CSMD1: variants seen among roughly 807,000 people sequenced by gnomAD.
CSMD1 encodes CUB and Sushi multiple domains 1.
CSMD1 carries 213 observed loss-of-function variants against 417.5 expected under a neutral mutation model. The ratio of observed to expected loss-of-function variants is 0.51; its 90% CI spans 0.46 to 0.57. CSMD1 has a LOEUF of 0.57. Ranked by LOEUF, CSMD1 falls within the 20% of genes least tolerant of loss-of-function variation. The pLI is 0.00. For missense variants in CSMD1, 6,923 were observed against 4,529.7 expected (o/e 1.53, Z -15.17); for synonymous variants, 2,862 against 1,736.8 (o/e 1.65, Z -16.11).
intron 2 of CSMD1, among the ~76,000 whole-genome samples, chr8:4,495,037 C>T (rs542847648): frequency 3.9e-5 from 6 of 152,038 alleles, no homozygotes; most frequent in South Asian, 2.1e-4. Flanking sequence ...TCACTTAGAA[C>T]GTGGCAGAAA....
At chr8:3,478,323 A>C (rs934211081) in intron 11 of CSMD1, among the ~76,000 whole-genome samples, 2 of 152,252 alleles carry the variant, frequency 1.3e-5, no homozygotes, top group African/African-American at 4.8e-5. Context: ...GGAAAATAAA[A>C]GTTGACTAAA....
chr8:3,739,189 G>A (rs2720828), intron 6 of CSMD1, among the ~76,000 whole-genome samples: 141,886 of 152,160 alleles, frequency 0.93, 66,981 homozygotes, highest in Non-Finnish European at 1. Context: ...GCCGGATACT[G>A]TAAGGAATGC....
In CSMD1 at chr8:3,075,263, TTTTCTTTTC is replaced by T. The variant is rs201502200; in HGVS notation, c.7474+11825_7474+11833del. ...ACCCAGCCTCAGGTATTTCTTTTTC[TTTTCTTTTC>T]TTTCTTTCTTTTTTTTTTTTTTTAG... On this transcript the variant is annotated intron_variant, in intron 49 of 69. Transcript: ENST00000635120. Among the ~76,000 whole-genome samples, 21 of 36,056 alleles carry T rather than the reference TTTTCTTTTC, an allele frequency of 5.8e-4. 1 individual carries two copies. The highest frequency in any genetic ancestry group is 1.2e-3 in the South Asian group (2 of 1,638). 23.7% of individuals were successfully genotyped at this position (36,056 alleles called of 152,430 possible).
intron 6 of CSMD1, among the ~76,000 whole-genome samples, chr8:3,716,330 A>T (rs916310500): frequency 2.0e-5 from 3 of 152,232 alleles, no homozygotes; most frequent in Non-Finnish European, 4.4e-5. Context: ...TTGAGAAAAT[A>T]GAGGAATAAA....
intron 1 of CSMD1, among the ~76,000 whole-genome samples, chr8:4,916,798 C>A (rs1806094471): frequency 6.6e-6 from 1 of 152,120 alleles, no homozygotes; most frequent in Non-Finnish European, 1.5e-5. Context: ...GTAGGCTTTA[C>A]TATATTAAAA....
chr8:2,991,659 A>G (rs1431042239), intron 54 of CSMD1, among the ~76,000 whole-genome samples: 2 of 152,254 alleles, frequency 1.3e-5, no homozygotes, highest in Admixed American at 1.3e-4. Flanking sequence ...CCTTTTTAAA[A>G]AAAAGCAAAA....
chr8:3,951,317 G>A (rs759844501), intron 5 of CSMD1, among the ~76,000 whole-genome samples: 5 of 152,242 alleles, frequency 3.3e-5, no homozygotes, highest in African/African-American at 9.6e-5. Context: ...CCTTCTCCTC[G>A]TTTTAAGCAC....
At chr8:4,873,292 CTT>C (rs1302976051) in intron 1 of CSMD1, among the ~76,000 whole-genome samples, 1 of 152,038 alleles carries the variant, frequency 6.6e-6, no homozygotes, top group Admixed American at 6.6e-5. Context: ...TAAAAAATGC[CTT>C]TTAAAATTCA....
At chr8:4,540,250 G>A (rs1331235877) in intron 2 of CSMD1, among the ~76,000 whole-genome samples, 1 of 152,100 alleles carries the variant, frequency 6.6e-6, no homozygotes, top group Non-Finnish European at 1.5e-5. Flanking sequence ...GTAGATTCCA[G>A]CAAGAAGTAA....
intron 1 of CSMD1, among the ~76,000 whole-genome samples, chr8:4,763,762 A>C (rs532803556): frequency 6.6e-6 from 1 of 152,346 alleles, no homozygotes; most frequent in Non-Finnish European, 1.5e-5. Flanking sequence ...GAGGCAGGGC[A>C]GTCGTTTCTA....
chr8:4,311,023 A>C (rs1028327998), intron 3 of CSMD1, among the ~76,000 whole-genome samples: 1 of 152,220 alleles, frequency 6.6e-6, no homozygotes, highest in Non-Finnish European at 1.5e-5. Context: ...GGATGTGGAG[A>C]AAAGGGAACA....
chr8:4,262,193 T>G (rs1803934802), intron 3 of CSMD1, among the ~76,000 whole-genome samples: 1 of 152,206 alleles, frequency 6.6e-6, no homozygotes, highest in African/African-American at 2.4e-5. Flanking sequence ...CTCTCTTGGG[T>G]GAATTTCAGC....
chr8:4,868,776 TA>T (rs1802563862), intron 1 of CSMD1, among the ~76,000 whole-genome samples: 1 of 24,216 alleles, frequency 4.1e-5, no homozygotes, highest in African/African-American at 6.1e-5. Context: ...TGTAAGCTTG[TA>T]AAAATTGTAA....
At chr8:3,527,255 C>T (rs147523383) in intron 10 of CSMD1, among the ~76,000 whole-genome samples, 19 of 152,040 alleles carry the variant, frequency 1.2e-4, no homozygotes, top group East Asian at 3.9e-4. Context: ...TGGTACAGGG[C>T]GCTGATAGGG....
Position 4,456,312 on chromosome 8 carries a change from G to A in CSMD1, c.303-36247C>T, listed in dbSNP as rs754701518. Among the ~76,000 whole-genome samples the A allele has an allele frequency of 3.3e-5, 5 of 152,080 alleles. No individual in the cohort carries two copies. In the East Asian group the frequency reaches 5.8e-4, roughly 18 times the overall value. On this transcript the variant is annotated intron_variant, in intron 2 of 69. Coordinates refer to ENST00000635120, the MANE Select transcript of CSMD1 (RefSeq NM_033225.6). The stretch of plus-strand genomic sequence containing the variant: ...CTGAAGACAATTTGTAATAAAGACA[G>A]CAGTAATAAAAAAATTAGTCATAGA...
intron 3 of CSMD1, among the ~76,000 whole-genome samples, chr8:4,370,616 A>C (rs1802340687): frequency 6.6e-6 from 1 of 152,060 alleles, no homozygotes; most frequent in African/African-American, 2.4e-5. Context: ...TATTTTTGGA[A>C]GTTTTGTCCA....
At position 4,385,223 on chromosome 8, in the gene CSMD1, C is replaced by T. The variant is rs572772927; in HGVS notation, c.415+34730G>A. On this transcript the variant is annotated intron_variant, in intron 3 of 69. Coordinates refer to ENST00000635120, the MANE Select transcript of CSMD1 (RefSeq NM_033225.6). The stretch of plus-strand genomic sequence containing the variant: ...GATTACAGGCATGAGCCACTGCACC[C>T]GGCCACATTAAAAAAGTTCTTAAAT... 3.9e-5 allele frequency among the ~76,000 whole-genome samples: 6 copies of T among 152,278 alleles called. No individual in the cohort carries two copies. In the East Asian group the frequency reaches 7.7e-4, roughly 20 times the overall value.
At chr8:3,626,564 TTTTA>T (rs946838209) in intron 7 of CSMD1, among the ~76,000 whole-genome samples, 1 of 151,582 alleles carries the variant, frequency 6.6e-6, no homozygotes, top group African/African-American at 2.4e-5. Context: ...AATCTTCAAG[TTTTA>T]TTTGTCATTC....
chr8:3,966,551 T>G (rs1812688685), intron 5 of CSMD1, among the ~76,000 whole-genome samples: 1 of 152,216 alleles, frequency 6.6e-6, no homozygotes, highest in Non-Finnish European at 1.5e-5. Context: ...CAGGTTTATT[T>G]TCTTGCCAAT....
Sources: allele counts gnomAD v4.1 joint callset (sites outside exome capture counted in the v4.1 genomes callset), GRCh38; gene constraint gnomAD v4.1.1; transcripts MANE v1.5; gene names NCBI Gene and HGNC (gene_info 2026-07-23, HGNC 2026-07-21).